The following TIMP3 variants were observed in gnomAD, a reference collection of about 807,000 sequenced individuals.
TIMP3 encodes the protein TIMP metallopeptidase inhibitor 3.
TIMP3 carries 11 observed loss-of-function variants against 30.0 expected under a neutral mutation model. The ratio of observed to expected loss-of-function variants is 0.37; its 90% CI spans 0.23 to 0.61. The LOEUF is 0.61. Among genes scored for constraint, TIMP3 ranks in the 20% least tolerant of loss-of-function variants. TIMP3 has a pLI of 0.70. For missense variants in TIMP3, 181 were observed against 276.8 expected, an observed-to-expected ratio of 0.65 and a Z score of 2.45; for synonymous variants, 112 against 111.3, an observed-to-expected ratio of 1.01 and a Z score of -0.04.
intron 1 of TIMP3, among the ~76,000 whole-genome samples, chr22:32,805,015 G>A (rs575526832): frequency 1.9e-5 from 1 of 52,202 alleles, no homozygotes; most frequent in African/African-American, 1.6e-4. Flanking sequence ...TTCTGAAAAT[G>A]TGCGTGTGTG....
chr22:32,850,497 G>C (rs1457949954), intron 2 of TIMP3, among the ~76,000 whole-genome samples: 1 of 152,122 alleles, frequency 6.6e-6, no homozygotes, highest in Non-Finnish European at 1.5e-5. Flanking sequence ...CTCAGCAACT[G>C]GTTCATCACC....
intron 1 of TIMP3, among the ~76,000 whole-genome samples, chr22:32,838,441 C>T (rs928564987): frequency 2.6e-5 from 4 of 152,118 alleles, no homozygotes; most frequent in African/African-American, 9.7e-5. Flanking sequence ...CAAGGAGTGC[C>T]TTGGGTGGAG....
intron 1 of TIMP3, among the ~76,000 whole-genome samples, chr22:32,825,160 G>T (rs2047365360): frequency 6.6e-6 from 1 of 152,088 alleles, no homozygotes; most frequent in African/African-American, 2.4e-5. Context: ...TTGGGGGAGG[G>T]ATGGGTGAGC....
intron 1 of TIMP3, among the ~76,000 whole-genome samples, chr22:32,829,100 C>T (rs1239459021): frequency 3.3e-5 from 5 of 152,130 alleles, no homozygotes; most frequent in African/African-American, 4.8e-5. Flanking sequence ...CAGAGGGTAC[C>T]GCTGAAGAAG....
intron 1 of TIMP3, among the ~76,000 whole-genome samples, chr22:32,842,355 C>T (rs562160768): frequency 1.7e-4 from 26 of 152,138 alleles, no homozygotes; most frequent in Non-Finnish European, 3.4e-4. Context: ...CAGGCCTCTG[C>T]TTTTCACCCT....
At chr22:32,836,261 T>C (rs1303884694) in intron 1 of TIMP3, among the ~76,000 whole-genome samples, 1 of 152,220 alleles carries the variant, frequency 6.6e-6, no homozygotes, top group Non-Finnish European at 1.5e-5. Flanking sequence ...GCCTGGCACA[T>C]AGTAAGTGCT....
intron 1 of TIMP3, among the ~76,000 whole-genome samples, chr22:32,815,626 C>G (rs1406765596): frequency 6.6e-6 from 1 of 152,142 alleles, no homozygotes; most frequent in Non-Finnish European, 1.5e-5. Flanking sequence ...TCTTTATATA[C>G]ATATATACAT....
At chr22:32,803,506 G>C (rs2046646603) in intron 1 of TIMP3, among the ~76,000 whole-genome samples, 2 of 152,116 alleles carry the variant, frequency 1.3e-5, no homozygotes, top group African/African-American at 4.8e-5. Context: ...GGCTCCCTGG[G>C]GCCTGCATGG....
At chr22:32,830,766 C>G (rs962016171) in intron 1 of TIMP3, among the ~76,000 whole-genome samples, 1 of 152,100 alleles carries the variant, frequency 6.6e-6, no homozygotes, top group Non-Finnish European at 1.5e-5. Flanking sequence ...TCACATGGAC[C>G]GTGAGTGTAT....
rs550840077 is a variant in TIMP3, at chr22:32,847,364, G to A, written c.122-2088G>A. On this transcript the variant is annotated intron_variant, in intron 1 of 4. Transcript: ENST00000266085. ...TGGCCTGGGATCTTGCCAACCTCTC[G>A]TTTTTACAGCAGACTTGGAAACAAC... 7.2e-5 allele frequency among the ~76,000 whole-genome samples: 11 copies of A among 152,288 alleles called. No individual in the cohort carries two copies. In the East Asian group the frequency reaches 1.7e-3, roughly 24 times the overall value.
chr22:32,807,781 A>G (rs1240887502), intron 1 of TIMP3, among the ~76,000 whole-genome samples: 1 of 151,756 alleles, frequency 6.6e-6, no homozygotes, highest in African/African-American at 2.4e-5. Context: ...TTATATTATT[A>G]TAATTATATA....
In TIMP3 at chr22:32,801,982, C is replaced by T. The variant is rs752554384; in HGVS notation, c.-20C>T. ...TTGGAGAGGCGAGCAGCAGCCCCGG[C>T]AGCGGCGGCAGCAGCGGCAATGACC... On this transcript the variant is annotated 5_prime_UTR_variant, in exon 1 of 5. Coordinates refer to ENST00000266085, the MANE Select transcript of TIMP3 (RefSeq NM_000362.5). The surrounding 1 kb of genome is among the most constrained non-coding windows in gnomAD (Gnocchi z 4.7). 1.9e-6 allele frequency: 3 copies of T among 1,581,140 alleles called. No homozygotes were observed. The African/African-American group carries it at 4.0e-5, about 21-fold the overall frequency.
At chr22:32,833,157 T>TACTG (rs2047628336) in intron 1 of TIMP3, among the ~76,000 whole-genome samples, 1 of 152,186 alleles carries the variant, frequency 6.6e-6, no homozygotes, top group South Asian at 2.1e-4. Flanking sequence ...CAACCTTGTA[T>TACTG]ACTGATCGGT....
intron 1 of TIMP3, among the ~76,000 whole-genome samples, chr22:32,841,551 C>G (rs763058771): frequency 3.3e-5 from 5 of 152,040 alleles, no homozygotes; most frequent in Admixed American, 2.6e-4. Context: ...TTATCTGGAG[C>G]TCAGTGTTGG....
At chr22:32,831,388 T>C (rs756213383) in intron 1 of TIMP3, among the ~76,000 whole-genome samples, 11 of 152,152 alleles carry the variant, frequency 7.2e-5, no homozygotes, top group Non-Finnish European at 1.3e-4. Context: ...TGATATCCTC[T>C]GAAGAGTCTA....
intron 1 of TIMP3, chr22:32,833,877 T>C (rs2047651755): frequency 2.0e-6 from 1 of 499,682 alleles, no homozygotes; most frequent in African/African-American, 2.0e-5. Context: ...TGATAGCTGA[T>C]GGCACCTATT....
intron 1 of TIMP3, chr22:32,833,872 G>C (rs1393503820): frequency 2.0e-6 from 1 of 500,100 alleles, no homozygotes; most frequent in Non-Finnish European, 4.0e-6. Context: ...GTGCCTGATA[G>C]CTGATGGCAC....
At chr22:32,807,360 AT>A (rs1488605953) in intron 1 of TIMP3, among the ~76,000 whole-genome samples, 1 of 11,226 alleles carries the variant, frequency 8.9e-5, no homozygotes, top group African/African-American at 3.1e-4. Flanking sequence ...TATATAATAT[AT>A]AATATATATT....
chr22:32,829,906 A>G (rs1569258136), intron 1 of TIMP3, among the ~76,000 whole-genome samples: 1 of 152,178 alleles, frequency 6.6e-6, no homozygotes, highest in Non-Finnish European at 1.5e-5. Context: ...CTTAAATGAG[A>G]AATGAGCATT....
Sources: gnomAD v4.1 joint callset for allele counts (sites outside exome capture counted in the v4.1 genomes callset) on GRCh38, gnomAD v4.1.1 for gene constraint, Gnocchi (gnomAD v3.1) non-coding constraint, MANE v1.5 for transcripts, NCBI Gene and HGNC (gene_info 2026-07-23, HGNC 2026-07-21) for gene names.